Variants in FBXO4 observed in about 807,000 individuals in gnomAD.
FBXO4 encodes F-box only protein 4.
FBXO4 carries 36 observed loss-of-function variants against 43.7 expected under a neutral mutation model. That is an observed-to-expected ratio of 0.82 (90% CI 0.63 to 1.09). FBXO4 has a LOEUF of 1.09. Among genes scored for constraint, FBXO4 ranks in the 50% least tolerant of loss-of-function variants. The probability of loss-of-function intolerance (pLI) is 0.00; values close to 1 mark genes in which losing one functional copy is unlikely to be tolerated. For missense variants in FBXO4, 435 were observed against 474.1 expected, an observed-to-expected ratio of 0.92 and a Z score of 0.77; for synonymous variants, 180 against 165.6, an observed-to-expected ratio of 1.09 and a Z score of -0.67.
the FBXO4 span, among the ~76,000 whole-genome samples, chr5:42,039,473 C>T: frequency 4.6e-5 from 7 of 152,068 alleles, no homozygotes; most frequent in South Asian, 4.1e-4. Flanking sequence ...AGACATGTTC[C>T]TACCTGTGGA....
the FBXO4 span, among the ~76,000 whole-genome samples, chr5:42,005,065 C>T: frequency 3.0e-4 from 46 of 152,222 alleles, no homozygotes; most frequent in African/African-American, 9.9e-4. Flanking sequence ...TCTCTCTCAC[C>T]TCATCATCTC....
the FBXO4 span, among the ~76,000 whole-genome samples, chr5:42,008,611 T>G: frequency 2.6e-5 from 4 of 152,152 alleles, no homozygotes; most frequent in South Asian, 8.3e-4. Context: ...CTTGGTTATA[T>G]TGCCTCTTTG....
Position 41,925,514 on chromosome 5 carries a change from A to G in FBXO4, c.189+16A>G. On this transcript the variant is annotated intron_variant, in intron 1 of 6. Transcript: ENST00000281623. ...GCGGCTGCCGGTGAGCGTCGGCCGC[A>G]GGCCGCGGAGGACAGTGGGGCCGGC... 7.7e-7 allele frequency: 1 copy of G among 1,306,202 alleles called. No homozygotes were observed. Among genetic ancestry groups the G allele is most frequent in the Non-Finnish European group, 9.8e-7 (1 of 1,019,922 alleles). 80.9% of individuals were successfully genotyped at this position (1,306,202 alleles called of 1,614,324 possible). A position where few individuals can be genotyped will look rare whatever the true frequency, so the allele number is the denominator to read the frequency against.
the FBXO4 span, among the ~76,000 whole-genome samples, chr5:41,997,283 A>G: frequency 6.6e-6 from 1 of 152,236 alleles, no homozygotes; most frequent in African/African-American, 2.4e-5. Flanking sequence ...TCCATGATCC[A>G]TCTCTTTTCT....
the FBXO4 span, among the ~76,000 whole-genome samples, chr5:42,019,305 T>C: frequency 1.3e-5 from 2 of 152,150 alleles, no homozygotes; most frequent in Non-Finnish European, 2.9e-5. Context: ...TTTATATAGA[T>C]TACATGATGA....
chr5:41,941,161 A>G, intron 6 of FBXO4, 31 bp from the exon 7 acceptor site: 1 of 1,580,790 alleles, frequency 6.3e-7, no homozygotes. Flanking sequence ...TTAGTTTCTT[A>G]CTAACAACAT....
At chr5:42,036,704 G>A in the FBXO4 span, among the ~76,000 whole-genome samples, 1,309 of 152,200 alleles carry the variant, frequency 8.6e-3, 19 homozygotes, top group African/African-American at 0.03. Flanking sequence ...GATAAGTGGC[G>A]AGATGCTGGA....
chr5:41,944,945 A>G (rs761452568), downstream of FBXO4, among the ~76,000 whole-genome samples: 5 of 152,244 alleles, frequency 3.3e-5, no homozygotes, highest in East Asian at 1.9e-4. Flanking sequence ...ATTTAAAATG[A>G]TAGCAGAAGT....
At chr5:41,958,115 T>C in the FBXO4 span, among the ~76,000 whole-genome samples, 5 of 151,622 alleles carry the variant, frequency 3.3e-5, no homozygotes, top group African/African-American at 1.2e-4. Flanking sequence ...AATTCTTAAA[T>C]CTAGTCTGTT....
At chr5:42,030,333 C>T in the FBXO4 span, among the ~76,000 whole-genome samples, 2 of 152,028 alleles carry the variant, frequency 1.3e-5, no homozygotes, top group African/African-American at 2.4e-5. Flanking sequence ...CTTTGACAAA[C>T]CTGACAAAAA....
chr5:42,012,130 G>C, the FBXO4 span, among the ~76,000 whole-genome samples: 1 of 152,120 alleles, frequency 6.6e-6, no homozygotes, highest in Non-Finnish European at 1.5e-5. Context: ...ACTCTGATGG[G>C]TTCAGGAAAC....
chr5:41,953,083 T>G, the FBXO4 span, among the ~76,000 whole-genome samples: 1 of 152,026 alleles, frequency 6.6e-6, no homozygotes, highest in Non-Finnish European at 1.5e-5. Context: ...GCCATGCTGG[T>G]GTGCTGCACC....
rs1751448425 is a variant in FBXO4, at chr5:41,925,407, CCTT to C, written c.101_103del (p.Phe34del). On this transcript the variant is annotated inframe_deletion, in exon 1 of 7. Transcript: ENST00000281623. ...GCGGCCATCCTCAGCGGCTGGAAGA[CCTT>C]CTGGCAGTCAGTGAGCAAGGAGAGG... 1 of 1,384,726 alleles carries C rather than the reference CCTT, an allele frequency of 7.2e-7. No individual in the cohort carries two copies. The highest frequency in any genetic ancestry group is 9.4e-7 in the Non-Finnish European group (1 of 1,063,948). 85.8% of individuals were successfully genotyped at this position (1,384,726 alleles called of 1,614,324 possible).
At chr5:42,037,642 T>C in the FBXO4 span, among the ~76,000 whole-genome samples, 1 of 152,068 alleles carries the variant, frequency 6.6e-6, no homozygotes, top group Non-Finnish European at 1.5e-5. Context: ...CATTTTAAAA[T>C]GTTAAGTTTT....
intron 6 of FBXO4, among the ~76,000 whole-genome samples, chr5:41,940,197 A>G (rs1245321896): frequency 2.0e-5 from 3 of 151,430 alleles, no homozygotes; most frequent in Non-Finnish European, 4.4e-5. Flanking sequence ...TATAATATCA[A>G]TGTATTATGC....
At chr5:42,023,346 C>G in the FBXO4 span, among the ~76,000 whole-genome samples, 1 of 152,170 alleles carries the variant, frequency 6.6e-6, no homozygotes, top group East Asian at 1.9e-4. Context: ...TTTAGCATCT[C>G]TGTTACCTTT....
chr5:42,039,866 G>A, the FBXO4 span, among the ~76,000 whole-genome samples: 8 of 151,990 alleles, frequency 5.3e-5, no homozygotes, highest in Non-Finnish European at 1.0e-4. Context: ...AGATTTTTCC[G>A]GAGTTCAGAG....
the FBXO4 span, among the ~76,000 whole-genome samples, chr5:42,009,509 T>C: frequency 6.6e-6 from 1 of 152,126 alleles, no homozygotes. Context: ...GATTTTGAAC[T>C]GCTAGGGCTT....
chr5:41,934,459 A>G (rs1276076512), intron 5 of FBXO4, 151 bp downstream of exon 5: 3 of 1,475,538 alleles, frequency 2.0e-6, no homozygotes, highest in South Asian at 1.4e-5. Context: ...GTGTGTTCTC[A>G]CACTTTTGTG....
Sources: allele counts gnomAD v4.1 joint callset (sites outside exome capture counted in the v4.1 genomes callset), GRCh38; gene constraint gnomAD v4.1.1; transcripts MANE v1.5; gene names NCBI Gene and HGNC (gene_info 2026-07-23, HGNC 2026-07-21).